TUSC3: variants seen among roughly 807,000 people sequenced by gnomAD.
TUSC3 encodes the protein tumor suppressor candidate 3.
TUSC3 carries 45 observed loss-of-function variants against 44.8 expected under a neutral mutation model. The ratio of observed to expected loss-of-function variants is 1.00; its 90% CI spans 0.79 to 1.29. The LOEUF (loss-of-function observed/expected upper bound fraction) is 1.29. Ranked by LOEUF, TUSC3 falls within the 50% of genes most tolerant of loss-of-function variation. TUSC3 has a pLI of 0.00. For synonymous variants in TUSC3, 212 were observed against 152.9 expected, an observed-to-expected ratio of 1.39 and a Z score of -2.85; for missense variants, 519 against 437.9, an observed-to-expected ratio of 1.19 and a Z score of -1.65.
chr8:15,815,581 G>T, the TUSC3 span, among the ~76,000 whole-genome samples: 1 of 152,182 alleles, frequency 6.6e-6, no homozygotes, highest in East Asian at 1.9e-4. Flanking sequence ...AGAGTAATTA[G>T]ACCTGGAAAC....
chr8:15,482,422 C>T (rs1018342079), intron 1 of TUSC3, among the ~76,000 whole-genome samples: 2 of 152,192 alleles, frequency 1.3e-5, no homozygotes, highest in Non-Finnish European at 2.9e-5. Flanking sequence ...TCCATCAAGG[C>T]AGCTATAGCG....
At chr8:15,424,959 T>C (rs549470662) in intron 1 of TUSC3, among the ~76,000 whole-genome samples, 70 of 152,222 alleles carry the variant, frequency 4.6e-4, no homozygotes, top group African/African-American at 1.5e-3. Flanking sequence ...AAAAGAATTA[T>C]ATCGGTGATG....
intron 1 of TUSC3, among the ~76,000 whole-genome samples, chr8:15,458,330 T>C (rs1800289719): frequency 1.3e-5 from 2 of 152,112 alleles, no homozygotes; most frequent in South Asian, 2.1e-4. Context: ...CCTCGACCTC[T>C]CAGGCTCAAA....
At chr8:15,432,655 C>G (rs1156500005) in intron 1 of TUSC3, among the ~76,000 whole-genome samples, 1 of 152,102 alleles carries the variant, frequency 6.6e-6, no homozygotes, top group Non-Finnish European at 1.5e-5. Context: ...GGGAGAGGGA[C>G]TGCTCTGTAG....
At chr8:15,525,454 A>C (rs1801360894) in intron 2 of TUSC3, among the ~76,000 whole-genome samples, 1 of 152,204 alleles carries the variant, frequency 6.6e-6, no homozygotes, top group African/African-American at 2.4e-5. Context: ...CAATAGTCCT[A>C]CTATTATTTT....
Position 15,765,201 on chromosome 8 carries a change from T to C in TUSC3, c.*1045T>C, listed in dbSNP as rs1313364479. 1 of 152,056 alleles carries C rather than the reference T, an allele frequency of 6.6e-6. No homozygotes were observed. The highest frequency in any genetic ancestry group is 1.9e-4 in the East Asian group (1 of 5,198). 9.4% of individuals were successfully genotyped at this position (152,056 alleles called of 1,614,324 possible). A position where few individuals can be genotyped will look rare whatever the true frequency, so the allele number is the denominator to read the frequency against. On this transcript the variant is annotated 3_prime_UTR_variant, in exon 11 of 11. Transcript: ENST00000503731. ...TAAATTAGTCAGGAAATGTAAATTT[T>C]ATCTGACTCATAGAACTAATGGAAG... is the stretch of plus-strand genomic sequence containing the variant.
chr8:15,814,759 T>A, the TUSC3 span, among the ~76,000 whole-genome samples: 2 of 152,194 alleles, frequency 1.3e-5, no homozygotes, highest in East Asian at 3.8e-4. Flanking sequence ...ATATTAAATA[T>A]TTTTGAAGTG....
chr8:15,597,698 A>T (rs1804127657), intron 1 of TUSC3, among the ~76,000 whole-genome samples: 1 of 152,080 alleles, frequency 6.6e-6, no homozygotes, highest in Non-Finnish European at 1.5e-5. Flanking sequence ...AACCTTCATG[A>T]GTTTGTTCTT....
chr8:15,850,212 T>G, the TUSC3 span, among the ~76,000 whole-genome samples: 1 of 152,034 alleles, frequency 6.6e-6, no homozygotes, highest in East Asian at 1.9e-4. Flanking sequence ...TCTAAGACTA[T>G]GAACATAGAT....
intron 10 of TUSC3, among the ~76,000 whole-genome samples, chr8:15,763,536 G>A (rs773438513): frequency 1.3e-5 from 2 of 151,886 alleles, no homozygotes; most frequent in Non-Finnish European, 2.9e-5. Flanking sequence ...AACATGCCAC[G>A]TGTTAGCAGA....
chr8:15,543,147 C>G lies in TUSC3; in HGVS notation c.138+2579C>G, dbSNP rs1563281023. Among the ~76,000 whole-genome samples the G allele has an allele frequency of 2.0e-5, 3 of 152,186 alleles. No homozygotes were observed. The East Asian group carries it at 5.8e-4, about 29-fold the overall frequency. ...TTGACAGTATGTGGTCTCTTTCTGT[C>G]TAGCTGACTTTAAAACCTGATGCCT... On this transcript the variant is annotated intron_variant, in intron 1 of 10. Transcript: ENST00000503731.
chr8:15,826,405 A>G, the TUSC3 span, among the ~76,000 whole-genome samples: 4 of 152,180 alleles, frequency 2.6e-5, no homozygotes, highest in African/African-American at 9.7e-5. Flanking sequence ...CCTTTTCAGT[A>G]TGTTCTTTGC....
At position 15,467,558 on chromosome 8, in the gene TUSC3, G is replaced by T. The variant is rs117514956; in HGVS notation, n.92-15828G>T. 3.1e-3 allele frequency among the ~76,000 whole-genome samples: 467 copies of T among 152,244 alleles called. 3 individuals are homozygous for T. Among genetic ancestry groups the T allele is most frequent in the Non-Finnish European group, 5.4e-3 (364 of 68,004 alleles). ...TGAACTGCCAGTTTCATTGGGAGAT[G>T]ACAATAATATTAGTCCTGAAAGAGT... On this transcript the variant is annotated intron_variant and non_coding_transcript_variant, in intron 1 of 5. Coordinates refer to the TUSC3 transcript ENST00000503191.
chr8:15,831,985 T>C, the TUSC3 span, among the ~76,000 whole-genome samples: 2 of 152,070 alleles, frequency 1.3e-5, no homozygotes, highest in Non-Finnish European at 2.9e-5. Context: ...CCAAGACACA[T>C]AGTCATCAGA....
intron 1 of TUSC3, among the ~76,000 whole-genome samples, chr8:15,583,348 A>C (rs936068985): frequency 6.6e-6 from 1 of 152,190 alleles, no homozygotes; most frequent in Admixed American, 6.5e-5. Context: ...AATAAAACTC[A>C]CTTTAGATTT....
intron 1 of TUSC3, among the ~76,000 whole-genome samples, chr8:15,550,108 C>G (rs1431363237): frequency 6.6e-6 from 1 of 151,758 alleles, no homozygotes; most frequent in Admixed American, 6.6e-5. Context: ...GGGATTTTCA[C>G]AATGCTTTTC....
At chr8:15,539,421 C>T (rs1227844136), upstream of TUSC3, among the ~76,000 whole-genome samples, 1 of 126,834 alleles carries the variant, frequency 7.9e-6, no homozygotes, top group Non-Finnish European at 1.6e-5. Context: ...GGAGTGATCT[C>T]GGCTCACTGC....
At chr8:15,621,099 G>C (rs545322893) in intron 1 of TUSC3, among the ~76,000 whole-genome samples, 20 of 151,950 alleles carry the variant, frequency 1.3e-4, no homozygotes, top group African/African-American at 4.8e-4. Flanking sequence ...GCCCTCATTA[G>C]TGGATTACCC....
At chr8:15,615,939 C>T (rs751918624) in intron 1 of TUSC3, among the ~76,000 whole-genome samples, 6 of 152,080 alleles carry the variant, frequency 3.9e-5, no homozygotes, top group Non-Finnish European at 7.4e-5. Context: ...TCAAGTGATC[C>T]TCTGGACTCA....
Sources: gnomAD v4.1 joint callset for allele counts (sites outside exome capture counted in the v4.1 genomes callset) on GRCh38, gnomAD v4.1.1 for gene constraint, MANE v1.5 for transcripts, NCBI Gene and HGNC (gene_info 2026-07-23, HGNC 2026-07-21) for gene names.